Variants in GIPC2 observed in about 807,000 individuals in gnomAD.
GIPC2 encodes GIPC PDZ domain containing family member 2.
A neutral mutation model predicts 30.6 loss-of-function variants in GIPC2; 30 were observed. That is an observed-to-expected ratio of 0.98 (90% CI 0.73 to 1.33). The LOEUF (loss-of-function observed/expected upper bound fraction) is 1.33, where lower values mean the gene tolerates loss of function less well. GIPC2 is among the 40% of genes most tolerant of loss of function. The pLI is 0.00. For missense variants in GIPC2, 414 were observed against 390.3 expected (o/e 1.06, Z -0.51); for synonymous variants, 167 against 150.0 (o/e 1.11, Z -0.83).
At chr1:78,115,885 T>C (rs1465587403) in intron 3 of GIPC2, among the ~76,000 whole-genome samples, 3 of 152,258 alleles carry the variant, frequency 2.0e-5, no homozygotes, top group African/African-American at 7.2e-5. Flanking sequence ...AAAATTAATA[T>C]GCAAAATTAA....
intron 2 of GIPC2, among the ~76,000 whole-genome samples, chr1:78,094,102 A>G (rs958039748): frequency 6.6e-6 from 1 of 152,188 alleles, no homozygotes; most frequent in Non-Finnish European, 1.5e-5. Context: ...AATCACCCTT[A>G]CTGGCTCCCA....
intron 1 of GIPC2, among the ~76,000 whole-genome samples, chr1:78,070,450 C>A (rs11807255): frequency 0.034 from 5,233 of 152,130 alleles, 273 homozygotes; most frequent in African/African-American, 0.12. Flanking sequence ...AATTGGCATG[C>A]AATGTTGCAG....
intron 5 of GIPC2, among the ~76,000 whole-genome samples, chr1:78,129,180 T>C (rs1467954190): frequency 6.6e-6 from 1 of 152,212 alleles, no homozygotes; most frequent in African/African-American, 2.4e-5. Context: ...TGAAAAGCCA[T>C]TATCATTACA....
At chr1:78,057,529 G>T (rs992480681) in intron 1 of GIPC2, among the ~76,000 whole-genome samples, 2 of 152,186 alleles carry the variant, frequency 1.3e-5, no homozygotes, top group African/African-American at 4.8e-5. Context: ...TCACTGTGGA[G>T]ATATTTCTTC....
chr1:78,121,637 C>T (rs621524), intron 4 of GIPC2, among the ~76,000 whole-genome samples: 34,810 of 151,762 alleles, frequency 0.23, 4,546 homozygotes, highest in East Asian at 0.65. Context: ...ATGAAAGGAC[C>T]GATCAGAGGC....
chr1:78,073,371 T>C (rs1661659800), intron 1 of GIPC2, among the ~76,000 whole-genome samples: 1 of 152,174 alleles, frequency 6.6e-6, no homozygotes, highest in African/African-American at 2.4e-5. Flanking sequence ...CCCAAAGTGC[T>C]GGGATTTCAG....
At position 78,129,675 on chromosome 1, in the gene GIPC2, G is replaced by T. The variant is rs540404345; in HGVS notation, c.796+3713G>T. Among the ~76,000 whole-genome samples the T allele has an allele frequency of 5.6e-4, 85 of 152,268 alleles. No homozygotes were observed. The South Asian group carries it at 0.017, about 30-fold the overall frequency. On this transcript the variant is annotated intron_variant, in intron 5 of 5. Coordinates refer to ENST00000370759, the MANE Select transcript of GIPC2 (RefSeq NM_017655.6). ...AGCCAGTGTCAACATGGGTCACCTTGGGATGTTATCCATGAAAAAAATTAA... is the reference window on the plus strand; with the variant it reads ...AGCCAGTGTCAACATGGGTCACCTTTGGATGTTATCCATGAAAAAAATTAA...
intron 5 of GIPC2, among the ~76,000 whole-genome samples, chr1:78,129,642 T>C (rs1373401152): frequency 1.3e-5 from 2 of 152,200 alleles, no homozygotes; most frequent in African/African-American, 4.8e-5. Context: ...AACGATGACT[T>C]TTCTACCAGC....
At chr1:78,068,629 G>A (rs985521464) in intron 1 of GIPC2, among the ~76,000 whole-genome samples, 3 of 152,116 alleles carry the variant, frequency 2.0e-5, no homozygotes, top group African/African-American at 7.2e-5. Context: ...GGGACCTAGA[G>A]TTATCCCAGT....
At chr1:78,104,902 C>T (rs544832589) in intron 3 of GIPC2, among the ~76,000 whole-genome samples, 1 of 152,304 alleles carries the variant, frequency 6.6e-6, no homozygotes, top group Admixed American at 6.5e-5. Context: ...AGGGGCAGAG[C>T]ATACTGTCGA....
intron 3 of GIPC2, among the ~76,000 whole-genome samples, chr1:78,098,810 G>T (rs1163762947): frequency 1.3e-5 from 2 of 152,124 alleles, no homozygotes; most frequent in African/African-American, 4.8e-5. Flanking sequence ...CAGACACAGG[G>T]AGGATGCCAT....
intron 2 of GIPC2, among the ~76,000 whole-genome samples, chr1:78,090,566 G>T (rs2100366502): frequency 6.6e-6 from 1 of 152,268 alleles, no homozygotes; most frequent in South Asian, 2.1e-4. Context: ...AGGCTAAATT[G>T]ATTTTTAAAA....
intron 1 of GIPC2, among the ~76,000 whole-genome samples, chr1:78,068,598 C>A (rs1661562932): frequency 6.6e-6 from 1 of 152,162 alleles, no homozygotes; most frequent in African/African-American, 2.4e-5. Flanking sequence ...TATAATTACT[C>A]TGGAACAACA....
intron 1 of GIPC2, chr1:78,068,957 C>A (rs553117690): frequency 2.6e-6 from 1 of 385,392 alleles, no homozygotes; most frequent in East Asian, 1.6e-4. Flanking sequence ...GCTTCTTCAG[C>A]TCCTGCCCCT....
At chr1:78,058,776 CT>C (rs1661341327) in intron 1 of GIPC2, among the ~76,000 whole-genome samples, 1 of 152,018 alleles carries the variant, frequency 6.6e-6, no homozygotes, top group Non-Finnish European at 1.5e-5. Context: ...CGTGCTCTCC[CT>C]TTTTTCCTGC....
At chr1:78,091,903 A>C in intron 2 of GIPC2, 2 of 803,868 alleles carry the variant, frequency 2.5e-6, no homozygotes, top group Middle Eastern at 6.1e-4. Flanking sequence ...AAGCTACAAC[A>C]TTTTCCATTT....
At chr1:78,097,204 T>C (rs1370430682) in intron 3 of GIPC2, among the ~76,000 whole-genome samples, 1 of 152,160 alleles carries the variant, frequency 6.6e-6, no homozygotes, top group East Asian at 1.9e-4. Flanking sequence ...TTTCCTTTCT[T>C]TTTTTCCTGT....
intron 1 of GIPC2, among the ~76,000 whole-genome samples, chr1:78,079,829 A>G (rs906303691): frequency 6.6e-6 from 1 of 152,220 alleles, no homozygotes; most frequent in African/African-American, 2.4e-5. Flanking sequence ...CAAGTGAGTC[A>G]TATTTTTGAA....
At chr1:78,106,449 A>C (rs1409439951) in intron 3 of GIPC2, among the ~76,000 whole-genome samples, 2 of 151,754 alleles carry the variant, frequency 1.3e-5, no homozygotes, top group Non-Finnish European at 2.9e-5. Flanking sequence ...AGTCCCAGCT[A>C]CTTGGAAGGA....
Sources: gnomAD v4.1 joint callset for allele counts (sites outside exome capture counted in the v4.1 genomes callset) on GRCh38, gnomAD v4.1.1 for gene constraint, MANE v1.5 for transcripts, NCBI Gene and HGNC (gene_info 2026-07-23, HGNC 2026-07-21) for gene names.